Variants in CPNE4 observed in about 807,000 individuals in gnomAD.
CPNE4 encodes the protein copine 4.
CPNE4 carries 25 observed loss-of-function variants against 67.9 expected under a neutral mutation model. That is an observed-to-expected ratio of 0.37 (90% CI 0.27 to 0.51). The LOEUF (loss-of-function observed/expected upper bound fraction) is 0.51. Among genes scored for constraint, CPNE4 ranks in the 20% least tolerant of loss-of-function variants. The probability of loss-of-function intolerance (pLI) is 0.93; values close to 1 mark genes in which losing one functional copy is unlikely to be tolerated. For synonymous variants in CPNE4, 242 were observed against 244.9 expected, an observed-to-expected ratio of 0.99 and a Z score of 0.11; for missense variants, 464 against 690.8, an observed-to-expected ratio of 0.67 and a Z score of 3.68.
At chr3:131,808,746 TC>T (rs1160098003) in intron 2 of CPNE4, among the ~76,000 whole-genome samples, 1 of 152,228 alleles carries the variant, frequency 6.6e-6, no homozygotes. Context: ...GTATTGAGGT[TC>T]TTAGAATATA....
rs5852641 is a variant in CPNE4, at chr3:131,727,473, G to GAA, written c.181-3850_181-3849dup. ...GAGCAAGACTCCGTCTCAAAAAAAAGAAAAAAAAATCTAAAACATTTTTCA... is the reference window on the plus strand; with the variant it reads ...GAGCAAGACTCCGTCTCAAAAAAAAGAAAAAAAAAAATCTAAAACATTTTTCA... On this transcript the variant is annotated intron_variant, in intron 2 of 15. Transcript: ENST00000429747. 2.0e-4 allele frequency among the ~76,000 whole-genome samples: 30 copies of GAA among 150,246 alleles called. 1 individual carries two copies. In the South Asian group the frequency reaches 2.1e-3, roughly 11 times the overall value.
intron 9 of CPNE4, 128 bp from the exon 10 acceptor site, chr3:131,575,258 A>G (rs1937523485): frequency 1.4e-6 from 1 of 735,274 alleles, no homozygotes; most frequent in Admixed American, 2.2e-5. Context: ...CATCATTGAA[A>G]AAAGATGGGT....
In CPNE4 at chr3:131,949,752, C is replaced by T. The variant is rs530994913; in HGVS notation, c.-1-44308G>A. Among the ~76,000 whole-genome samples, 350 of 152,316 alleles carry T rather than the reference C, an allele frequency of 2.3e-3. 2 individuals carry two copies. Among genetic ancestry groups the T allele is most frequent in the African/African-American group, 8.2e-3 (341 of 41,582 alleles). ...TTTCAAAGCATACTACCCCACAGGACTCACTTATTATCTCCATTCTCTGCC... is the reference window on the plus strand; with the variant it reads ...TTTCAAAGCATACTACCCCACAGGATTCACTTATTATCTCCATTCTCTGCC... On this transcript the variant is annotated intron_variant, in intron 1 of 15. Transcript: ENST00000429747.
At chr3:131,792,652 T>C (rs2083771507) in intron 2 of CPNE4, among the ~76,000 whole-genome samples, 1 of 77,896 alleles carries the variant, frequency 1.3e-5, no homozygotes, top group Middle Eastern at 5.5e-3. Flanking sequence ...TATATGTATA[T>C]ATACACACGT....
chr3:131,905,632 A>G (rs1213931604), intron 1 of CPNE4, among the ~76,000 whole-genome samples, 188 bp from the exon 2 acceptor site: 1 of 152,174 alleles, frequency 6.6e-6, no homozygotes, highest in Admixed American at 6.5e-5. Flanking sequence ...ACAAACAAAC[A>G]AAAAACAGGT....
chr3:131,982,908 A>C (rs2072943164), intron 1 of CPNE4, among the ~76,000 whole-genome samples: 1 of 152,072 alleles, frequency 6.6e-6, no homozygotes. Context: ...GATGCTCTAA[A>C]GTTTATGCTT....
intron 2 of CPNE4, among the ~76,000 whole-genome samples, chr3:131,822,947 T>G (rs1204584550): frequency 6.6e-6 from 1 of 152,168 alleles, no homozygotes; most frequent in Non-Finnish European, 1.5e-5. Flanking sequence ...CAAGCGATTC[T>G]CTTGCTTCAG....
Position 131,816,702 on chromosome 3 carries a change from C to G in CPNE4, c.180+88562G>C, listed in dbSNP as rs546472542. Among the ~76,000 whole-genome samples the G allele has an allele frequency of 3.3e-5, 5 of 152,292 alleles. No homozygotes were observed. In the South Asian group the frequency reaches 1.0e-3, roughly 32 times the overall value. On this transcript the variant is annotated intron_variant, in intron 2 of 15. Transcript: ENST00000429747. Reference sequence around the variant, plus strand: ...AACACCCAGGGATTTTCTCTAGTCACTCAAAGCCAGAGGGAGTGATTTGCA... The same window carrying G: ...AACACCCAGGGATTTTCTCTAGTCAGTCAAAGCCAGAGGGAGTGATTTGCA...
chr3:131,735,900 C>G (rs559748606), intron 2 of CPNE4, among the ~76,000 whole-genome samples: 2 of 152,334 alleles, frequency 1.3e-5, no homozygotes, highest in South Asian at 4.1e-4. Flanking sequence ...TCTTGATCAA[C>G]TTCTCTCCCC....
intron 7 of CPNE4, among the ~76,000 whole-genome samples, chr3:131,611,337 C>A (rs891678171): frequency 1.3e-5 from 2 of 152,046 alleles, no homozygotes; most frequent in African/African-American, 4.8e-5. Context: ...TAATAGTGCC[C>A]AAGAGTAATA....
chr3:131,769,044 C>T (rs1324820807), intron 2 of CPNE4, among the ~76,000 whole-genome samples: 1 of 152,164 alleles, frequency 6.6e-6, no homozygotes, highest in Non-Finnish European at 1.5e-5. Flanking sequence ...TGACCTCATT[C>T]CAGCTTGGGT....
At chr3:131,665,298 A>G (rs2107648279) in intron 7 of CPNE4, among the ~76,000 whole-genome samples, 1 of 152,280 alleles carries the variant, frequency 6.6e-6, no homozygotes, top group South Asian at 2.1e-4. Flanking sequence ...ACTGCCATCT[A>G]TCACATTGAG....
intron 2 of CPNE4, among the ~76,000 whole-genome samples, chr3:131,763,041 C>A (rs1187542472): frequency 3.9e-5 from 6 of 151,950 alleles, no homozygotes; most frequent in African/African-American, 1.4e-4. Context: ...AAAAAACAAT[C>A]TTTTCTATAC....
intron 6 of CPNE4, among the ~76,000 whole-genome samples, chr3:131,676,690 A>G (rs1354235553): frequency 6.6e-6 from 1 of 152,114 alleles, no homozygotes; most frequent in Non-Finnish European, 1.5e-5. Flanking sequence ...AGCTCCATCC[A>G]TGTCCTTGCA....
intron 1 of CPNE4, among the ~76,000 whole-genome samples, chr3:131,916,061 C>A (rs2107798704): frequency 6.6e-6 from 1 of 152,290 alleles, no homozygotes; most frequent in African/African-American, 2.4e-5. Flanking sequence ...AAATGACTAT[C>A]TTCTTCCTGT....
chr3:131,761,396 A>G (rs923340628), intron 2 of CPNE4, among the ~76,000 whole-genome samples: 1 of 152,032 alleles, frequency 6.6e-6, no homozygotes. Flanking sequence ...CACTATCCTC[A>G]TTCTTAATCA....
chr3:131,936,038 G>A (rs2071209482), intron 1 of CPNE4, among the ~76,000 whole-genome samples: 1 of 151,684 alleles, frequency 6.6e-6, no homozygotes, highest in African/African-American at 2.4e-5. Context: ...TTTTATTTTG[G>A]CAGAAATAGT....
At chr3:131,538,137 GC>G (rs1935269731) in intron 15 of CPNE4, among the ~76,000 whole-genome samples, 1 of 152,166 alleles carries the variant, frequency 6.6e-6, no homozygotes, top group African/African-American at 2.4e-5. Flanking sequence ...GTTGCTTGCA[GC>G]AAAAAATATT....
chr3:131,563,827 C>T (rs1936916022), intron 11 of CPNE4, among the ~76,000 whole-genome samples: 1 of 152,044 alleles, frequency 6.6e-6, no homozygotes, highest in East Asian at 1.9e-4. Flanking sequence ...GTCTAATAGA[C>T]CTGTGCTTCT....
Sources: gnomAD v4.1 joint callset for allele counts (sites outside exome capture counted in the v4.1 genomes callset) on GRCh38, gnomAD v4.1.1 for gene constraint, MANE v1.5 for transcripts, NCBI Gene and HGNC (gene_info 2026-07-23, HGNC 2026-07-21) for gene names.